SGCZ: variants seen among roughly 807,000 people sequenced by gnomAD.
SGCZ encodes sarcoglycan zeta, also known as zeta-sarcoglycan.
SGCZ carries 40 observed loss-of-function variants against 41.3 expected under a neutral mutation model. The observed-to-expected ratio is 0.97, with a 90% confidence interval of 0.75 to 1.26. The LOEUF (loss-of-function observed/expected upper bound fraction) is 1.26, where lower values mean the gene tolerates loss of function less well. SGCZ is among the 50% of genes most tolerant of loss of function. The pLI is 0.00. For missense variants in SGCZ, 552 were observed against 369.8 expected, an observed-to-expected ratio of 1.49 and a Z score of -4.04; for synonymous variants, 206 against 137.5, an observed-to-expected ratio of 1.50 and a Z score of -3.49.
At chr8:15,038,832 A>AAAAAAAAAG (rs1803968215) in intron 1 of SGCZ, among the ~76,000 whole-genome samples, 1 of 140,486 alleles carries the variant, frequency 7.1e-6, no homozygotes, top group African/African-American at 2.6e-5. Context: ...AAAAAAAAAA[A>AAAAAAAAAG]AAAAAAAGAA....
chr8:14,097,952 T>TTAAA (rs1166707842), intron 7 of SGCZ, among the ~76,000 whole-genome samples: 2 of 152,124 alleles, frequency 1.3e-5, no homozygotes, highest in African/African-American at 4.8e-5. Context: ...GTTTTTTATT[T>TTAAA]TAAATATCTT....
intron 2 of SGCZ, among the ~76,000 whole-genome samples, chr8:14,525,546 T>C (rs1289021171): frequency 2.0e-5 from 3 of 152,146 alleles, no homozygotes; most frequent in African/African-American, 7.2e-5. Flanking sequence ...TGAGAAAGAT[T>C]ATATATTTCT....
At chr8:15,096,550 A>G (rs1806352854) in intron 1 of SGCZ, among the ~76,000 whole-genome samples, 1 of 152,210 alleles carries the variant, frequency 6.6e-6, no homozygotes, top group African/African-American at 2.4e-5. Context: ...CAGAACATGT[A>G]ATGCTTCCAC....
At chr8:14,687,360 A>C in intron 1 of SGCZ, among the ~76,000 whole-genome samples, 1 of 140,032 alleles carries the variant, frequency 7.1e-6, no homozygotes. Context: ...ACACCCCACA[A>C]CAGTTCCCAG....
intron 4 of SGCZ, among the ~76,000 whole-genome samples, chr8:14,232,197 T>C (rs538490177): frequency 6.6e-6 from 1 of 152,010 alleles, no homozygotes; most frequent in Admixed American, 6.6e-5. Context: ...TGACACACTC[T>C]GAGAAGTGCA....
At chr8:14,874,166 A>G (rs1804264023) in intron 1 of SGCZ, among the ~76,000 whole-genome samples, 1 of 152,178 alleles carries the variant, frequency 6.6e-6, no homozygotes, top group African/African-American at 2.4e-5. Flanking sequence ...CTAGTTATAA[A>G]GAAAAGTATG....
intron 1 of SGCZ, among the ~76,000 whole-genome samples, chr8:14,586,286 T>G (rs917569223): frequency 2.6e-5 from 4 of 152,162 alleles, no homozygotes; most frequent in African/African-American, 9.7e-5. Flanking sequence ...CGATCTCTGT[T>G]GACTGCAAAC....
intron 1 of SGCZ, among the ~76,000 whole-genome samples, chr8:14,706,868 C>T (rs1359379400): frequency 1.3e-5 from 2 of 151,956 alleles, no homozygotes; most frequent in African/African-American, 4.8e-5. Context: ...CAAATCTCTT[C>T]CTAAGTATAT....
At chr8:14,102,553 T>TAATA in intron 6 of SGCZ, 54 bp from the exon 7 acceptor site, 1 of 1,290,720 alleles carries the variant, frequency 7.7e-7, no homozygotes, top group Non-Finnish European at 9.9e-7. Context: ...AAAAAATCAT[T>TAATA]AATAGAAAAA....
intron 5 of SGCZ, among the ~76,000 whole-genome samples, chr8:14,161,786 G>A (rs1804052991): frequency 1.3e-5 from 2 of 152,112 alleles, no homozygotes; most frequent in African/African-American, 4.8e-5. Flanking sequence ...AATACTATGT[G>A]CATATATTTG....
At chr8:14,453,265 CTCTG>C (rs1406810937) in intron 2 of SGCZ, among the ~76,000 whole-genome samples, 13 of 152,210 alleles carry the variant, frequency 8.5e-5, no homozygotes, top group African/African-American at 3.1e-4. Flanking sequence ...ATGTCTGAAG[CTCTG>C]TCTAACATTA....
intron 1 of SGCZ, among the ~76,000 whole-genome samples, chr8:15,235,643 A>C (rs537593726): frequency 6.6e-6 from 1 of 152,126 alleles, no homozygotes; most frequent in East Asian, 1.9e-4. Context: ...AAGTTTCCCC[A>C]GTGGGTTTGC....
At chr8:14,709,269 C>A (rs1809437661) in intron 1 of SGCZ, among the ~76,000 whole-genome samples, 1 of 152,152 alleles carries the variant, frequency 6.6e-6, no homozygotes, top group Non-Finnish European at 1.5e-5. Flanking sequence ...CAAATTTGAT[C>A]TTCGTCTTGA....
At chr8:14,485,779 A>C (rs1422875808) in intron 2 of SGCZ, among the ~76,000 whole-genome samples, 1 of 151,606 alleles carries the variant, frequency 6.6e-6, no homozygotes, top group Admixed American at 6.6e-5. Flanking sequence ...CCTTTCTATG[A>C]CAGCAGGCAC....
chr8:15,057,796 C>A (rs1804768086), intron 1 of SGCZ, among the ~76,000 whole-genome samples: 1 of 152,180 alleles, frequency 6.6e-6, no homozygotes, highest in Non-Finnish European at 1.5e-5. Flanking sequence ...TAAATGATTA[C>A]AAATGTCCTT....
intron 2 of SGCZ, among the ~76,000 whole-genome samples, chr8:14,409,971 A>G (rs947299823): frequency 2.6e-5 from 4 of 152,034 alleles, no homozygotes; most frequent in East Asian, 1.9e-4. Context: ...GGGGTCCCCA[A>G]CTCCCAGGCC....
chr8:15,206,666 C>A (rs1258191253), intron 1 of SGCZ, among the ~76,000 whole-genome samples: 1 of 152,060 alleles, frequency 6.6e-6, no homozygotes, highest in Non-Finnish European at 1.5e-5. Context: ...CCAGGCTGGT[C>A]TCGAACTCCT....
chr8:14,580,227 T>C (rs980320263), intron 1 of SGCZ, among the ~76,000 whole-genome samples: 24 of 152,332 alleles, frequency 1.6e-4, no homozygotes, highest in South Asian at 1.0e-3. Context: ...CACAGAGCTA[T>C]TACTTTTGAA....
chr8:14,680,179 T>C (rs1047850936), intron 1 of SGCZ, among the ~76,000 whole-genome samples: 2 of 152,064 alleles, frequency 1.3e-5, no homozygotes, highest in Admixed American at 1.3e-4. Flanking sequence ...AGTACAGTGG[T>C]TGCAAGAGGT....
Sources: allele counts gnomAD v4.1 joint callset (sites outside exome capture counted in the v4.1 genomes callset), GRCh38; gene constraint gnomAD v4.1.1; transcripts MANE v1.5; gene names NCBI Gene and HGNC (gene_info 2026-07-23, HGNC 2026-07-21).